The following ANK1 variants were observed in gnomAD, a reference collection of about 807,000 sequenced individuals.
The protein encoded by ANK1 is ankyrin 1, also known as ankyrin-1.
A neutral mutation model predicts 210.4 loss-of-function variants in ANK1; 51 were observed. The observed-to-expected ratio is 0.24, with a 90% CI of 0.19 to 0.31. The LOEUF (loss-of-function observed/expected upper bound fraction) is 0.31, where lower values mean the gene tolerates loss of function less well. ANK1 is among the 10% of genes least tolerant of loss of function. The probability of loss-of-function intolerance (pLI) is 1.00; values close to 1 mark genes in which losing one functional copy is unlikely to be tolerated. For missense variants in ANK1, 2,051 were observed against 2,504.4 expected (o/e 0.82, Z 3.86); for synonymous variants, 967 against 1,025.9 (o/e 0.94, Z 1.10).
intron 1 of ANK1, among the ~76,000 whole-genome samples, chr8:41,848,118 G>C (rs1810418287): frequency 6.6e-6 from 1 of 151,914 alleles, no homozygotes; most frequent in South Asian, 2.1e-4. Flanking sequence ...CTGGAAGGTG[G>C]AGGTTGCAGT....
At position 41,724,742 on chromosome 8, in the gene ANK1, G is replaced by T. The variant is rs571064985; in HGVS notation, c.613-188C>A. Among the ~76,000 whole-genome samples the T allele has an allele frequency of 2.1e-4, 32 of 152,254 alleles. No individual in the cohort carries two copies. The South Asian group carries it at 6.2e-3, about 30-fold the overall frequency. ...GGCACAGTGTATTCAAAAGCTGGGG[G>T]TCTGCCCTGAGCAACCCGAATTATA... On this transcript the variant is annotated intron_variant, in intron 6 of 42. Transcript: ENST00000289734.
Position 41,704,049 on chromosome 8 carries a change from C to T in ANK1, c.2287G>A (p.Val763Ile), listed in dbSNP as rs1367211400. The T allele has an allele frequency of 6.2e-7, 1 of 1,614,010 alleles. No homozygotes were observed. Among genetic ancestry groups the T allele is most frequent in the South Asian group, 1.1e-5 (1 of 91,080 alleles). The change falls in exon 20 of 43, where the codon GTC (valine) becomes ATC (isoleucine). Residue 763 changes from valine (V) to isoleucine (I), a missense_variant. Val to Ile is a conservative substitution (Grantham distance 29, BLOSUM62 3). This residue lies in a region of ANK1 where 1,413 missense variants were observed against 1,707.4 expected (regional missense o/e 0.83). Transcript: ENST00000289734. The surrounding 1 kb of genome is among the most constrained non-coding windows in gnomAD (Gnocchi z 4.1). The stretch of plus-strand genomic sequence containing the variant: ...AGAGAGAGTGTACTCACCGAGCTGA[C>T]CTCGTTTGGGGAAGCACCGTTTTTC... ...LLKNGASPNE[V>I]SSDGTTPLAI...
rs1015713997 is a variant in ANK1, at chr8:41,717,772, C to G, written c.1207-70G>C. On this transcript the variant is annotated intron_variant, in intron 11 of 42. Coordinates refer to ENST00000289734, the MANE Select transcript of ANK1 (RefSeq NM_000037.4). Reference sequence around the variant, plus strand: ...CTCCCCTGAAGAAGAGAGAACCTGACAGTATCTAACGCTTTCACAAATGAT... The same window carrying G: ...CTCCCCTGAAGAAGAGAGAACCTGAGAGTATCTAACGCTTTCACAAATGAT... The G allele has an allele frequency of 1.0e-5, 13 of 1,285,698 alleles. No individual in the cohort carries two copies. The African/African-American group carries it at 1.6e-4, about 16-fold the overall frequency. 79.6% of individuals were successfully genotyped at this position (1,285,698 alleles called of 1,614,324 possible).
At position 41,757,766 on chromosome 8, in the gene ANK1, G is replaced by A. The variant is rs1444079469; in HGVS notation, c.129+270C>T. Among the ~76,000 whole-genome samples, 61 of 152,228 alleles carry A rather than the reference G, an allele frequency of 4.0e-4. 1 individual carries two copies. Among genetic ancestry groups the A allele is most frequent in the Non-Finnish European group, 7.3e-5 (5 of 68,052 alleles). On this transcript the variant is annotated intron_variant, in intron 2 of 42. Coordinates refer to ENST00000289734, the MANE Select transcript of ANK1 (RefSeq NM_000037.4). The stretch of plus-strand genomic sequence containing the variant: ...AGGCCACATATTCTAAGACAACAGC[G>A]GGAATCAATTGCAACTTCTAAGCGA...
At chr8:41,758,228 G>C in intron 1 of ANK1, 91 bp from the exon 2 acceptor site, 1 of 1,162,124 alleles carries the variant, frequency 8.6e-7, no homozygotes, top group Non-Finnish European at 1.3e-6. Flanking sequence ...AGCAGCCCCT[G>C]CATCCTCTGA....
rs1832830491 is a variant in ANK1, at chr8:41,734,044, G to A, written c.155C>T (p.Ala52Val). Residue 52 changes from alanine to valine, a missense_variant, in exon 3 of 43, where the codon GCT becomes GTT. Coordinates refer to ENST00000289734, the MANE Select transcript of ANK1 (RefSeq NM_000037.4). ...NQNGLNGLHLASKEGHVKMVV... is the reference protein window; with the variant it reads ...NQNGLNGLHLVSKEGHVKMVV... Reference sequence around the variant, plus strand: ...CATTTTCACATGGCCTTCCTTAGAAGCCAGATGCAAGCCATTCAACCCATT... The same window carrying A: ...CATTTTCACATGGCCTTCCTTAGAAACCAGATGCAAGCCATTCAACCCATT... 1 of 1,614,208 alleles carries A rather than the reference G, an allele frequency of 6.2e-7. No homozygotes were observed. The highest frequency in any genetic ancestry group is 8.5e-7 in the Non-Finnish European group (1 of 1,180,008).
intron 1 of ANK1, among the ~76,000 whole-genome samples, chr8:41,888,979 T>C (rs1818927770): frequency 6.6e-6 from 1 of 152,224 alleles, no homozygotes; most frequent in African/African-American, 2.4e-5. Context: ...TATAAGTCCT[T>C]CACTTCAAAG....
At chr8:41,895,530 G>A (rs1376854293) in intron 1 of ANK1, among the ~76,000 whole-genome samples, 1 of 152,114 alleles carries the variant, frequency 6.6e-6, no homozygotes, top group Non-Finnish European at 1.5e-5. Flanking sequence ...TGCCCCTGGA[G>A]GTCTGGGTCT....
At chr8:41,670,650 A>G (rs1332438295) in intron 38 of ANK1, among the ~76,000 whole-genome samples, 1 of 152,140 alleles carries the variant, frequency 6.6e-6, no homozygotes, top group Non-Finnish European at 1.5e-5. Context: ...CTGTTAGGGT[A>G]TTGGGGCCAG....
At chr8:41,852,615 T>C (rs1811468995) in intron 1 of ANK1, among the ~76,000 whole-genome samples, 1 of 152,210 alleles carries the variant, frequency 6.6e-6, no homozygotes. Flanking sequence ...CACCTGCTGT[T>C]TACTAGGCAC....
chr8:41,666,940 T>C (rs960583533), intron 39 of ANK1, among the ~76,000 whole-genome samples: 2 of 152,172 alleles, frequency 1.3e-5, no homozygotes, highest in Non-Finnish European at 2.9e-5. Context: ...GGGAGTTGGA[T>C]GTGTGATCTA....
At chr8:41,682,454 G>A (rs1436200498) in intron 37 of ANK1, among the ~76,000 whole-genome samples, 1 of 152,266 alleles carries the variant, frequency 6.6e-6, no homozygotes, top group Non-Finnish European at 1.5e-5. Flanking sequence ...CAAAGGCAGA[G>A]TTTTGTTTTG....
At chr8:41,731,862 G>A (rs1356815864) in intron 3 of ANK1, among the ~76,000 whole-genome samples, 3 of 152,250 alleles carry the variant, frequency 2.0e-5, no homozygotes, top group East Asian at 1.9e-4. Context: ...GCGCCGCTCC[G>A]GCACACGCGG....
intron 1 of ANK1, among the ~76,000 whole-genome samples, chr8:41,892,511 G>T (rs1819650943): frequency 6.6e-6 from 1 of 152,168 alleles, no homozygotes; most frequent in South Asian, 2.1e-4. Context: ...AAACACTGTT[G>T]TTGTTACAAA....
intron 2 of ANK1, among the ~76,000 whole-genome samples, chr8:41,754,788 C>G (rs1177872713): frequency 6.6e-6 from 1 of 152,222 alleles, no homozygotes; most frequent in Non-Finnish European, 1.5e-5. Flanking sequence ...TCCCCCACCA[C>G]CAGGACTCTC....
At chr8:41,809,790 G>GA (rs1483721478) in intron 1 of ANK1, among the ~76,000 whole-genome samples, 2 of 152,140 alleles carry the variant, frequency 1.3e-5, no homozygotes, top group African/African-American at 4.8e-5. Flanking sequence ...AAATAGGGAA[G>GA]AATTGAAACT....
At chr8:41,788,757 C>T (rs1846980836) in intron 1 of ANK1, 1 of 152,184 alleles carries the variant, frequency 6.6e-6, no homozygotes, top group Non-Finnish European at 1.5e-5. Flanking sequence ...TCTTCATCAG[C>T]CCTGCCAGAT....
Position 41,716,958 on chromosome 8 carries a change from C to T in ANK1, c.1399G>A (p.Ala467Thr). The change falls in exon 13 of 43, where the codon GCC becomes ACC. Residue 467 changes from alanine (A) to threonine (T), a missense_variant. Ala to Thr is a moderately conservative substitution (Grantham distance 58). This residue lies in a region of ANK1 where 1,413 missense variants were observed against 1,707.4 expected (regional missense o/e 0.83). Transcript: ENST00000289734. ...TTCCTGCCTTCACTACTCACCTTGG[C>T]CTTGGCATTGACTTTGGCTTTGTTC... ...LQNKAKVNAKAKDDQTPLHCA... is the reference protein window; with the variant it reads ...LQNKAKVNAKTKDDQTPLHCA... 6.2e-7 allele frequency: 1 copy of T among 1,614,046 alleles called. No homozygotes were observed. The highest frequency in any genetic ancestry group is 8.5e-7 in the Non-Finnish European group (1 of 1,180,018).
At position 41,697,896 on chromosome 8, in the gene ANK1, G is replaced by A. The variant is rs116611318; in HGVS notation, c.2637+147C>T. The stretch of plus-strand genomic sequence containing the variant: ...CACCAATGTTGCACCATTATGAGGC[G>A]TCCAAGCGTGGAATGCCAGTTGGAC... On this transcript the variant is annotated intron_variant, in intron 24 of 42. Transcript: ENST00000289734. 1,165 of 798,870 alleles carry A rather than the reference G, an allele frequency of 1.5e-3. 8 individuals are homozygous for A. In the African/African-American group the frequency reaches 0.017, roughly 12 times the overall value. The allele number at this position is 798,870 out of a possible 1,614,324, so 49.5% of individuals were successfully genotyped here.
Sources: gnomAD v4.1 joint callset for allele counts (sites outside exome capture counted in the v4.1 genomes callset) on GRCh38, gnomAD v4.1.1 for gene constraint, gnomAD v4.1.1 regional missense constraint, Gnocchi (gnomAD v3.1) non-coding constraint, MANE v1.5 for transcripts, NCBI Gene and HGNC (gene_info 2026-07-23, HGNC 2026-07-21) for gene names.